The following TENM4 variants were observed in gnomAD, a reference collection of about 807,000 sequenced individuals.
TENM4 encodes teneurin transmembrane protein 4.
A neutral mutation model predicts 243.3 loss-of-function variants in TENM4; 82 were observed. The observed-to-expected ratio is 0.34, with a 90% CI of 0.28 to 0.40. TENM4 has a LOEUF of 0.40. Among genes scored for constraint, TENM4 ranks in the 10% least tolerant of loss-of-function variants. The probability of loss-of-function intolerance (pLI) is 1.00; values close to 1 mark genes in which losing one functional copy is unlikely to be tolerated. For missense variants in TENM4, 3,138 were observed against 3,673.3 expected (o/e 0.85, Z 3.77); for synonymous variants, 1,412 against 1,456.3 (o/e 0.97, Z 0.69).
At chr11:78,927,663 C>T (rs1565129746) in intron 6 of TENM4, among the ~76,000 whole-genome samples, 1 of 152,158 alleles carries the variant, frequency 6.6e-6, no homozygotes, top group Non-Finnish European at 1.5e-5. Flanking sequence ...GACACTCATG[C>T]ACCTGTGTTA....
chr11:78,686,199 C>G (rs1172789589), intron 29 of TENM4, among the ~76,000 whole-genome samples: 1 of 152,126 alleles, frequency 6.6e-6, no homozygotes, highest in Admixed American at 6.5e-5. Context: ...ACATGGTTGT[C>G]AATCATGCCT....
intron 9 of TENM4, among the ~76,000 whole-genome samples, chr11:78,888,456 G>A (rs1855591912): frequency 6.6e-6 from 1 of 152,170 alleles, no homozygotes; most frequent in African/African-American, 2.4e-5. Flanking sequence ...AGATATTGAA[G>A]GGGACCTCCC....
intron 4 of TENM4, among the ~76,000 whole-genome samples, chr11:79,076,721 C>T (rs1430094250): frequency 6.6e-6 from 1 of 152,098 alleles, no homozygotes; most frequent in Admixed American, 6.5e-5. Flanking sequence ...GCCTGGGAGC[C>T]CCCTGGTGGT....
intron 1 of TENM4, among the ~76,000 whole-genome samples, chr11:79,314,421 G>T (rs150794129): frequency 6.6e-6 from 1 of 152,216 alleles, no homozygotes; most frequent in East Asian, 1.9e-4. Context: ...TTTACCTGTG[G>T]TGTTGAGTCT....
chr11:79,106,892 G>C (rs528674404), intron 4 of TENM4, among the ~76,000 whole-genome samples: 2 of 152,074 alleles, frequency 1.3e-5, no homozygotes, highest in African/African-American at 4.8e-5. Context: ...ATATTTTGAT[G>C]GGTTAGTGAA....
intron 2 of TENM4, among the ~76,000 whole-genome samples, chr11:79,220,642 G>C (rs1477867612): frequency 6.6e-6 from 1 of 152,164 alleles, no homozygotes; most frequent in Non-Finnish European, 1.5e-5. Context: ...AATCTTTAGA[G>C]AAAAAATGCT....
chr11:79,227,686 G>A (rs1246427388), intron 2 of TENM4, among the ~76,000 whole-genome samples: 2 of 152,104 alleles, frequency 1.3e-5, no homozygotes, highest in African/African-American at 4.8e-5. Context: ...CAGCTTGCAT[G>A]GGACTTTTTT....
intron 6 of TENM4, among the ~76,000 whole-genome samples, chr11:79,056,094 C>T (rs1859936305): frequency 6.6e-6 from 1 of 152,174 alleles, no homozygotes; most frequent in South Asian, 2.1e-4. Flanking sequence ...CCTCAGAAAC[C>T]ACTCTTCTTG....
intron 6 of TENM4, among the ~76,000 whole-genome samples, chr11:78,912,832 G>C (rs74458300): frequency 9.0e-4 from 137 of 152,334 alleles, no homozygotes; most frequent in African/African-American, 3.1e-3. Flanking sequence ...TCTCTTTTAA[G>C]CATGGGGCTT....
In TENM4 at chr11:79,148,699, A is replaced by G. The variant is rs1345500065; in HGVS notation, c.-66+11T>C. 2.2e-6 allele frequency: 2 copies of G among 923,352 alleles called. No homozygotes were observed. Among genetic ancestry groups the G allele is most frequent in the East Asian group, 1.2e-4 (1 of 8,516 alleles). The allele number at this position is 923,352 out of a possible 1,614,324, so 57.2% of individuals were successfully genotyped here. Reference sequence around the variant, plus strand: ...TGAATACTCTCTGAAGTGTAAAAAAAATCAACTCACTTTTCTTTAAATCTT... The same window carrying G: ...TGAATACTCTCTGAAGTGTAAAAAAGATCAACTCACTTTTCTTTAAATCTT... On this transcript the variant is annotated intron_variant, in intron 4 of 33. Coordinates refer to ENST00000278550, the MANE Select transcript of TENM4 (RefSeq NM_001098816.3).
At chr11:79,401,958 T>G (rs573729483) in intron 1 of TENM4, 1 of 325,544 alleles carries the variant, frequency 3.1e-6, no homozygotes, top group African/African-American at 2.1e-5. Flanking sequence ...GTTGACGCCA[T>G]GGGGATGGAT....
At chr11:79,364,356 T>C (rs1008399288) in intron 1 of TENM4, among the ~76,000 whole-genome samples, 67 of 152,266 alleles carry the variant, frequency 4.4e-4, no homozygotes, top group African/African-American at 7.0e-4. Context: ...AAAGGGTTCC[T>C]CTGTAGTCTC....
intron 1 of TENM4, among the ~76,000 whole-genome samples, chr11:79,332,660 C>T (rs1422549685): frequency 6.6e-6 from 1 of 152,080 alleles, no homozygotes; most frequent in Non-Finnish European, 1.5e-5. Flanking sequence ...GTTGTTGTTC[C>T]CCCACTTCTC....
At chr11:79,383,409 C>T (rs139357964) in intron 1 of TENM4, among the ~76,000 whole-genome samples, 80 of 152,342 alleles carry the variant, frequency 5.3e-4, no homozygotes, top group Middle Eastern at 3.4e-3. Flanking sequence ...GACTGCTCCA[C>T]TTCCACAAAA....
At chr11:79,024,760 G>A (rs1859032407) in intron 6 of TENM4, among the ~76,000 whole-genome samples, 1 of 152,196 alleles carries the variant, frequency 6.6e-6, no homozygotes, top group South Asian at 2.1e-4. Flanking sequence ...GTGCCTTTAT[G>A]TATTACTGCA....
intron 15 of TENM4, among the ~76,000 whole-genome samples, chr11:78,803,370 A>G (rs1565385375): frequency 6.6e-6 from 1 of 152,340 alleles, no homozygotes; most frequent in Middle Eastern, 3.4e-3. Flanking sequence ...TCCAGAAGGT[A>G]GGTACTATCA....
chr11:78,940,115 C>T (rs565716458), intron 6 of TENM4, among the ~76,000 whole-genome samples: 7 of 152,266 alleles, frequency 4.6e-5, no homozygotes, highest in Non-Finnish European at 1.0e-4. Context: ...TATACATTTC[C>T]TCCTAGTCTT....
chr11:79,141,847 A>C (rs1862290109), intron 4 of TENM4, among the ~76,000 whole-genome samples: 1 of 152,168 alleles, frequency 6.6e-6, no homozygotes, highest in Non-Finnish European at 1.5e-5. Flanking sequence ...CAACATACAA[A>C]AATCAATCAA....
intron 4 of TENM4, among the ~76,000 whole-genome samples, chr11:79,092,350 T>C (rs58106990): frequency 0.032 from 4,859 of 152,298 alleles, 244 homozygotes; most frequent in African/African-American, 0.1. Context: ...AAGTGAATGA[T>C]CACTGACTCC....
Sources: gnomAD v4.1 joint callset for allele counts (sites outside exome capture counted in the v4.1 genomes callset) on GRCh38, gnomAD v4.1.1 for gene constraint, MANE v1.5 for transcripts, NCBI Gene and HGNC (gene_info 2026-07-23, HGNC 2026-07-21) for gene names.